The following NEGR1 variants were observed in gnomAD, a reference collection of about 807,000 sequenced individuals.
The protein encoded by NEGR1 is neuronal growth regulator 1, also known as IgLON family member 4.
Under a neutral mutation model 40.9 loss-of-function variants are expected in NEGR1, and 10 were observed. That is an observed-to-expected ratio of 0.24 (90% CI 0.15 to 0.42). The LOEUF (loss-of-function observed/expected upper bound fraction) is 0.42, where lower values mean the gene tolerates loss of function less well. Ranked by LOEUF, NEGR1 falls within the 10% of genes least tolerant of loss-of-function variation. The probability of loss-of-function intolerance (pLI) is 1.00; values close to 1 mark genes in which losing one functional copy is unlikely to be tolerated. For missense variants in NEGR1, 352 were observed against 438.9 expected (o/e 0.80, Z 1.77); for synonymous variants, 185 against 166.8 (o/e 1.11, Z -0.84).
chr1:71,644,415 A>G (rs1651464233), intron 4 of NEGR1, among the ~76,000 whole-genome samples: 1 of 151,742 alleles, frequency 6.6e-6, no homozygotes, highest in Non-Finnish European at 1.5e-5. Flanking sequence ...TTTTTCCATA[A>G]TGTTTATTGT....
chr1:72,207,289 C>T lies in NEGR1; in HGVS notation c.176+75030G>A, dbSNP rs183862046. 8.6e-5 allele frequency among the ~76,000 whole-genome samples: 13 copies of T among 151,828 alleles called. 1 individual carries two copies. In the South Asian group the frequency reaches 1.7e-3, roughly 19 times the overall value. On this transcript the variant is annotated intron_variant, in intron 1 of 6. Transcript: ENST00000357731. Reference sequence around the variant, plus strand: ...TTATCTTACTTCATAGGATTAAGTGCATACTCAAAGAATTTAACACCAGAT... The same window carrying T: ...TTATCTTACTTCATAGGATTAAGTGTATACTCAAAGAATTTAACACCAGAT...
intron 3 of NEGR1, among the ~76,000 whole-genome samples, chr1:71,703,618 A>G (rs1184009641): frequency 6.6e-6 from 1 of 152,006 alleles, no homozygotes; most frequent in Non-Finnish European, 1.5e-5. Flanking sequence ...ACACAACGTT[A>G]TTTACACAGC....
At chr1:71,864,673 G>C (rs918355412) in intron 2 of NEGR1, among the ~76,000 whole-genome samples, 1 of 152,076 alleles carries the variant, frequency 6.6e-6, no homozygotes. Flanking sequence ...CAAGACAGGA[G>C]CTATTTCCAG....
chr1:72,100,614 A>G (rs377396695), intron 1 of NEGR1: 3 of 152,188 alleles, frequency 2.0e-5, no homozygotes, highest in African/African-American at 7.2e-5. Context: ...CATGCACATA[A>G]AACAGTTCTA....
intron 1 of NEGR1, among the ~76,000 whole-genome samples, chr1:71,997,943 A>T (rs1220386377): frequency 2.6e-5 from 4 of 151,984 alleles, no homozygotes; most frequent in Non-Finnish European, 5.9e-5. Flanking sequence ...ATACCAGGTA[A>T]AATTAACATT....
chr1:71,674,888 T>C (rs1377580573), intron 4 of NEGR1, among the ~76,000 whole-genome samples: 1 of 151,764 alleles, frequency 6.6e-6, no homozygotes, highest in Non-Finnish European at 1.5e-5. Flanking sequence ...TAGGATATAT[T>C]TGTTTAATGT....
At chr1:72,203,270 T>C (rs1028248024) in intron 1 of NEGR1, among the ~76,000 whole-genome samples, 2 of 152,064 alleles carry the variant, frequency 1.3e-5, no homozygotes, top group Non-Finnish European at 2.9e-5. Context: ...TTGTAATTCA[T>C]TGGGGGAAGT....
chr1:71,598,047 T>C (rs1490806300), intron 5 of NEGR1, among the ~76,000 whole-genome samples: 1 of 152,168 alleles, frequency 6.6e-6, no homozygotes, highest in Non-Finnish European at 1.5e-5. Context: ...TAGGAGGTAG[T>C]TGTTATTAGT....
chr1:71,581,038 G>T (rs1458470751), intron 6 of NEGR1, among the ~76,000 whole-genome samples: 1 of 152,126 alleles, frequency 6.6e-6, no homozygotes, highest in Non-Finnish European at 1.5e-5. Flanking sequence ...AAATGCAATA[G>T]CTATTCAAAC....
intron 2 of NEGR1, among the ~76,000 whole-genome samples, chr1:71,823,682 C>T (rs1658513510): frequency 6.6e-6 from 1 of 151,974 alleles, no homozygotes; most frequent in South Asian, 2.1e-4. Context: ...CCAGAGTTTC[C>T]AGTCCATGTT....
At chr1:72,055,083 CAT>C (rs554921981) in intron 1 of NEGR1, among the ~76,000 whole-genome samples, 13 of 151,116 alleles carry the variant, frequency 8.6e-5, no homozygotes, top group South Asian at 2.1e-4. Context: ...ACGTAGACCA[CAT>C]GTTTTTCCTT....
chr1:71,913,177 G>A (rs568504645), intron 2 of NEGR1, among the ~76,000 whole-genome samples: 39 of 152,122 alleles, frequency 2.6e-4, no homozygotes, highest in Middle Eastern at 6.8e-3. Flanking sequence ...GTGCAGTGGC[G>A]CGATCTCAGC....
intron 1 of NEGR1, among the ~76,000 whole-genome samples, chr1:72,075,483 G>A (rs1647688250): frequency 6.6e-6 from 1 of 152,140 alleles, no homozygotes; most frequent in South Asian, 2.1e-4. Flanking sequence ...TGGCTTCTAT[G>A]TTTCAAAACA....
chr1:71,703,773 C>A (rs531852931), intron 3 of NEGR1, among the ~76,000 whole-genome samples: 9 of 151,480 alleles, frequency 5.9e-5, no homozygotes, highest in African/African-American at 1.7e-4. Flanking sequence ...ATACAAAAAA[C>A]CAAACAAGCA....
intron 1 of NEGR1, among the ~76,000 whole-genome samples, chr1:72,249,503 T>C (rs1397978938): frequency 1.3e-5 from 2 of 152,168 alleles, no homozygotes; most frequent in African/African-American, 4.8e-5. Context: ...GAACTATATA[T>C]ATGGGCTAGA....
chr1:71,809,127 G>A (rs1017177776), intron 2 of NEGR1, among the ~76,000 whole-genome samples: 3 of 152,118 alleles, frequency 2.0e-5, no homozygotes, highest in African/African-American at 7.2e-5. Context: ...GGATACACAG[G>A]AAAGAAAAAT....
chr1:72,270,334 C>A (rs1655800061), intron 1 of NEGR1, among the ~76,000 whole-genome samples: 1 of 151,814 alleles, frequency 6.6e-6, no homozygotes, highest in Non-Finnish European at 1.5e-5. Context: ...AGAATTAGGA[C>A]AAGCATTCAT....
At chr1:71,725,294 ATCT>A (rs1654633596) in intron 3 of NEGR1, among the ~76,000 whole-genome samples, 1 of 152,074 alleles carries the variant, frequency 6.6e-6, no homozygotes, top group Non-Finnish European at 1.5e-5. Context: ...ACATTGTGTA[ATCT>A]CTGATGCCCT....
intron 6 of NEGR1, among the ~76,000 whole-genome samples, chr1:71,522,959 G>A (rs1647171050): frequency 6.6e-6 from 1 of 151,902 alleles, no homozygotes; most frequent in Admixed American, 6.6e-5. Flanking sequence ...TTGGCCTTAT[G>A]CCCACGAGCC....
Sources: allele counts gnomAD v4.1 joint callset (sites outside exome capture counted in the v4.1 genomes callset), GRCh38; gene constraint gnomAD v4.1.1; transcripts MANE v1.5; gene names NCBI Gene and HGNC (gene_info 2026-07-23, HGNC 2026-07-21).